The following PTPRT variants were observed in gnomAD, a reference collection of about 807,000 sequenced individuals.
PTPRT encodes the protein protein tyrosine phosphatase receptor type T.
Under a neutral mutation model 176.8 loss-of-function variants are expected in PTPRT, and 56 were observed. The ratio of observed to expected loss-of-function variants is 0.32; its 90% CI spans 0.26 to 0.40. PTPRT has a LOEUF of 0.40. Ranked by LOEUF, PTPRT falls within the 10% of genes least tolerant of loss-of-function variation. PTPRT has a pLI of 1.00. For synonymous variants in PTPRT, 783 were observed against 739.0 expected (o/e 1.06, Z -0.96); for missense variants, 1,540 against 1,908.2 (o/e 0.81, Z 3.60).
intron 2 of PTPRT, among the ~76,000 whole-genome samples, chr20:42,800,981 G>A (rs2077522441): frequency 1.3e-5 from 2 of 152,134 alleles, no homozygotes. Context: ...TGGCAAGGTC[G>A]ACAGTGGGGA....
intron 6 of PTPRT, among the ~76,000 whole-genome samples, chr20:42,743,583 T>C (rs541220755): frequency 2.6e-5 from 4 of 152,180 alleles, no homozygotes; most frequent in South Asian, 2.1e-4. Flanking sequence ...TTTTGACAAA[T>C]AGTCAAGTCA....
chr20:42,865,452 T>C (rs1250199143), intron 2 of PTPRT, among the ~76,000 whole-genome samples: 4 of 152,216 alleles, frequency 2.6e-5, no homozygotes, highest in African/African-American at 4.8e-5. Flanking sequence ...TCAATATTCA[T>C]TGAGGGCATT....
At chr20:42,395,592 A>T (rs1215779218) in intron 9 of PTPRT, among the ~76,000 whole-genome samples, 3 of 152,074 alleles carry the variant, frequency 2.0e-5, no homozygotes, top group African/African-American at 7.2e-5. Flanking sequence ...CTTTCTATAC[A>T]ATTCCTCTCC....
intron 1 of PTPRT, among the ~76,000 whole-genome samples, chr20:43,107,098 T>C (rs1408791206): frequency 6.6e-6 from 1 of 152,192 alleles, no homozygotes; most frequent in African/African-American, 2.4e-5. Flanking sequence ...CCAGTATTTT[T>C]AACTTCTTAA....
intron 7 of PTPRT, among the ~76,000 whole-genome samples, chr20:42,481,800 ACACAC>A (rs2071390112): frequency 7.8e-6 from 1 of 128,452 alleles, no homozygotes; most frequent in African/African-American, 2.9e-5. Context: ...ACACACACAC[ACACAC>A]GCGCGCATGT....
intron 9 of PTPRT, among the ~76,000 whole-genome samples, chr20:42,438,977 T>G (rs1347672457): frequency 3.3e-5 from 5 of 152,202 alleles, no homozygotes; most frequent in African/African-American, 1.2e-4. Context: ...GTCACTCACA[T>G]CAGAATGCAA....
intron 8 of PTPRT, among the ~76,000 whole-genome samples, chr20:42,450,838 G>C (rs947581726): frequency 6.6e-6 from 1 of 152,202 alleles, no homozygotes; most frequent in Admixed American, 6.5e-5. Flanking sequence ...TCTGGAAAGA[G>C]AGACAGACAT....
chr20:42,861,688 A>C (rs1458005044), intron 2 of PTPRT, among the ~76,000 whole-genome samples: 1 of 151,722 alleles, frequency 6.6e-6, no homozygotes, highest in African/African-American at 2.4e-5. Flanking sequence ...TGGATAAAAC[A>C]AAACAAAACA....
rs143706255 is a variant in PTPRT at position 43,102,924 on chromosome 20, G to A, written c.88+86722C>T. Among the ~76,000 whole-genome samples, 132 of 152,266 alleles carry A rather than the reference G, an allele frequency of 8.7e-4. 2 individuals carry two copies. Among genetic ancestry groups the A allele is most frequent in the African/African-American group, 2.8e-3 (115 of 41,540 alleles). On this transcript the variant is annotated intron_variant, in intron 1 of 30. Coordinates refer to ENST00000373187, the MANE Select transcript of PTPRT (RefSeq NM_007050.6). ...AAAACTAAGACACAGAGAGAAAAAT[G>A]AGAAAATAATTTAGAAAGAAAGAAT... is the stretch of plus-strand genomic sequence containing the variant.
intron 11 of PTPRT, among the ~76,000 whole-genome samples, chr20:42,331,987 A>C (rs997592361): frequency 1.3e-5 from 2 of 151,848 alleles, no homozygotes; most frequent in African/African-American, 4.9e-5. Context: ...GTGGTACCCA[A>C]CTGTACTTGT....
intron 1 of PTPRT, among the ~76,000 whole-genome samples, chr20:43,040,265 G>A (rs1244274122): frequency 2.0e-5 from 3 of 152,174 alleles, no homozygotes; most frequent in African/African-American, 7.2e-5. Flanking sequence ...ATGAAAACCA[G>A]TGCTGGGAAT....
At chr20:42,697,085 T>A (rs1204826782) in intron 6 of PTPRT, among the ~76,000 whole-genome samples, 1 of 152,046 alleles carries the variant, frequency 6.6e-6, no homozygotes, top group Non-Finnish European at 1.5e-5. Context: ...TAGCTTGAAG[T>A]TAATATAATA....
At chr20:42,462,875 A>G (rs1234864895) in intron 8 of PTPRT, among the ~76,000 whole-genome samples, 1 of 152,178 alleles carries the variant, frequency 6.6e-6, no homozygotes, top group Non-Finnish European at 1.5e-5. Flanking sequence ...CATTTTACAG[A>G]TGGGGCACTG....
intron 21 of PTPRT, chr20:42,116,202 C>G: frequency 1.5e-6 from 1 of 673,648 alleles, no homozygotes; most frequent in Non-Finnish European, 2.7e-6. Context: ...AAATAGGCAG[C>G]TTTGCTACAG....
chr20:43,080,239 C>T (rs1019031943), intron 1 of PTPRT, among the ~76,000 whole-genome samples: 8 of 152,178 alleles, frequency 5.3e-5, no homozygotes, highest in Non-Finnish European at 1.0e-4. Flanking sequence ...TTGATTTTTC[C>T]TGTCTGCTAC....
intron 1 of PTPRT, among the ~76,000 whole-genome samples, chr20:42,888,680 C>T (rs1057142562): frequency 6.6e-6 from 1 of 152,164 alleles, no homozygotes; most frequent in African/African-American, 2.4e-5. Context: ...TAAGAGGGGC[C>T]AGGCAGATAA....
At chr20:42,571,109 A>G (rs1184649075) in intron 7 of PTPRT, among the ~76,000 whole-genome samples, 3 of 152,222 alleles carry the variant, frequency 2.0e-5, no homozygotes, top group African/African-American at 7.2e-5. Context: ...GCCCATGCTG[A>G]TGCTGTAATA....
intron 6 of PTPRT, among the ~76,000 whole-genome samples, chr20:42,735,233 T>C (rs1303781993): frequency 6.6e-6 from 1 of 152,138 alleles, no homozygotes; most frequent in African/African-American, 2.4e-5. Context: ...CTCTATTGCT[T>C]GGTCAAGGTC....
At chr20:42,095,081 G>A (rs539660811) in intron 27 of PTPRT, among the ~76,000 whole-genome samples, 2 of 152,034 alleles carry the variant, frequency 1.3e-5, no homozygotes, top group Non-Finnish European at 2.9e-5. Context: ...TGTGTTGTTG[G>A]CTTTACCTTC....
Sources: allele counts gnomAD v4.1 joint callset (sites outside exome capture counted in the v4.1 genomes callset), GRCh38; gene constraint gnomAD v4.1.1; transcripts MANE v1.5; gene names NCBI Gene and HGNC (gene_info 2026-07-23, HGNC 2026-07-21).